MYPN: variants seen among roughly 807,000 people sequenced by gnomAD.
MYPN encodes the protein myopalladin.
Under a neutral mutation model 129.4 loss-of-function variants are expected in MYPN, and 63 were observed. That is an observed-to-expected ratio of 0.49 (90% CI 0.40 to 0.60). The LOEUF is 0.60. MYPN is among the 20% of genes least tolerant of loss of function. MYPN has a pLI of 0.00. For missense variants in MYPN, 1,596 were observed against 1,635.4 expected (o/e 0.98, Z 0.42); for synonymous variants, 629 against 600.9 (o/e 1.05, Z -0.68).
chr10:68,143,891 A>C (rs2042617771), intron 3 of MYPN, among the ~76,000 whole-genome samples: 1 of 152,078 alleles, frequency 6.6e-6, no homozygotes, highest in Non-Finnish European at 1.5e-5. Context: ...AATAGCTGGG[A>C]TTACAGGCAT....
intron 2 of MYPN, among the ~76,000 whole-genome samples, chr10:68,126,565 T>A (rs1300226755): frequency 6.6e-6 from 1 of 152,014 alleles, no homozygotes; most frequent in Non-Finnish European, 1.5e-5. Flanking sequence ...CTCGGGTAGG[T>A]GTGGTAGGAA....
chr10:68,175,923 G>A (rs187444837), intron 12 of MYPN, among the ~76,000 whole-genome samples: 1 of 151,920 alleles, frequency 6.6e-6, no homozygotes, highest in East Asian at 1.9e-4. Flanking sequence ...TTAATTTTTT[G>A]TAGAGACAGG....
Position 68,165,697 on chromosome 10 carries a change from T to C in MYPN, c.1484-5T>C. On this transcript the variant is annotated splice_region_variant and splice_polypyrimidine_tract_variant and intron_variant, in intron 8 of 19. Coordinates refer to ENST00000358913, the MANE Select transcript of MYPN (RefSeq NM_032578.4). ...CAGTAACCATTCTGTTTCACTGGCA[T>C]ATAGAGGAGATTTGCACCTTGGTCA... is the stretch of plus-strand genomic sequence containing the variant. The C allele has an allele frequency of 6.2e-7, 1 of 1,608,318 alleles. No homozygotes were observed. The highest frequency in any genetic ancestry group is 8.5e-7 in the Non-Finnish European group (1 of 1,174,662).
chr10:68,184,454 G>C (rs990474635), intron 12 of MYPN, among the ~76,000 whole-genome samples: 10 of 151,878 alleles, frequency 6.6e-5, no homozygotes, highest in African/African-American at 2.2e-4. Context: ...TTTAGACGGA[G>C]TTTCACTCTT....
chr10:68,126,639 A>C (rs2042330319), intron 2 of MYPN, among the ~76,000 whole-genome samples: 1 of 152,224 alleles, frequency 6.6e-6, no homozygotes, highest in African/African-American at 2.4e-5. Flanking sequence ...ACTTGGTGAC[A>C]CACCACAGAA....
chr10:68,124,054 G>T (rs2042290873), intron 2 of MYPN, among the ~76,000 whole-genome samples: 1 of 152,212 alleles, frequency 6.6e-6, no homozygotes, highest in Admixed American at 6.5e-5. Context: ...TGCCTACCAT[G>T]GTCAGCTTTT....
chr10:68,113,891 T>C (rs571486279), intron 1 of MYPN, among the ~76,000 whole-genome samples: 96 of 152,258 alleles, frequency 6.3e-4, no homozygotes, highest in African/African-American at 2.2e-3. Context: ...CACTTTTTTG[T>C]GTGGTGAGAA....
At chr10:68,089,392 A>T (rs973243593) in intron 1 of MYPN, among the ~76,000 whole-genome samples, 1 of 151,820 alleles carries the variant, frequency 6.6e-6, no homozygotes, top group Non-Finnish European at 1.5e-5. Flanking sequence ...CCCAGACTGG[A>T]GTGCAGTGGC....
At chr10:68,197,565 G>GTTT in intron 16 of MYPN, 87 bp downstream of exon 16, 3 of 1,313,612 alleles carry the variant, frequency 2.3e-6, no homozygotes, top group South Asian at 1.4e-5. Flanking sequence ...TGTTTTGTGG[G>GTTT]TTTTTTTTTT....
intron 2 of MYPN, among the ~76,000 whole-genome samples, chr10:68,127,790 T>G (rs575545954): frequency 9.2e-5 from 14 of 152,260 alleles, no homozygotes; most frequent in Admixed American, 7.8e-4. Flanking sequence ...GAGGATTTCC[T>G]TAAAAAATAC....
At chr10:68,189,495 C>T (rs918188862) in intron 13 of MYPN, among the ~76,000 whole-genome samples, 8 of 152,066 alleles carry the variant, frequency 5.3e-5, no homozygotes, top group Admixed American at 2.6e-4. Flanking sequence ...ACCCATTAAC[C>T]AACCTCTCTT....
rs781732815 is a variant in MYPN at position 68,121,872 on chromosome 10, A to G, written c.434A>G (p.Gln145Arg). ...AGGCCACAGTATTGTTCTGAAACCC[A>G]GTCCAAAAAAGTATTTTTAAATAAG... The part of the protein sequence containing the change: ...AKRPQYCSET[Q>R]SKKVFLNKAA... The change falls in exon 2 of 20, where the codon CAG (glutamine) becomes CGG (arginine). Residue 145 changes from glutamine to arginine, a missense_variant. Gln to Arg is a conservative substitution (Grantham distance 43). Transcript: ENST00000358913. 6.2e-7 allele frequency: 1 copy of G among 1,614,220 alleles called. No homozygotes were observed. Among genetic ancestry groups the G allele is most frequent in the East Asian group, 2.2e-5 (1 of 44,884 alleles).
chr10:68,107,507 ATTT>A (rs34774320), upstream of MYPN, among the ~76,000 whole-genome samples: 8 of 143,178 alleles, frequency 5.6e-5, no homozygotes, highest in African/African-American at 5.1e-5. Context: ...CGCCCTGCTA[ATTT>A]TTTTTTTTTT....
chr10:68,199,230 G>A (rs1228214342), intron 16 of MYPN, 138 bp from the exon 17 acceptor site: 3 of 799,546 alleles, frequency 3.8e-6, no homozygotes, highest in Non-Finnish European at 4.3e-6. Context: ...TTCTCTCGAT[G>A]CCCCTACAGA....
intron 1 of MYPN, among the ~76,000 whole-genome samples, chr10:68,116,329 T>G (rs946060338): frequency 2.0e-5 from 3 of 152,220 alleles, no homozygotes; most frequent in Non-Finnish European, 4.4e-5. Context: ...ATTTTATCAG[T>G]TTAACAATTT....
intron 17 of MYPN, among the ~76,000 whole-genome samples, chr10:68,201,589 A>G (rs2043711565): frequency 3.1e-3 from 1 of 322 alleles, no homozygotes; most frequent in African/African-American, 0.012. Flanking sequence ...CAACATGACG[A>G]AACCCCTATC....
intron 18 of MYPN, among the ~76,000 whole-genome samples, chr10:68,205,516 CAA>C (rs35907393): frequency 1.7e-3 from 235 of 134,566 alleles, no homozygotes; most frequent in Admixed American, 1.5e-3. Flanking sequence ...CTATTTCTAC[CAA>C]AAAAAAAAAA....
intron 13 of MYPN, among the ~76,000 whole-genome samples, chr10:68,191,985 G>A (rs2043521007): frequency 6.6e-6 from 1 of 152,088 alleles, no homozygotes; most frequent in African/African-American, 2.4e-5. Flanking sequence ...CAATTTGGGT[G>A]CCTTTATTTC....
Position 68,174,220 on chromosome 10 carries a change from G to C in MYPN, c.2128G>C (p.Val710Leu). Residue 710 changes from valine (V) to leucine (L), a missense_variant, in exon 11 of 20, where the codon GTG (valine) becomes CTG (leucine). Coordinates refer to ENST00000358913, the MANE Select transcript of MYPN (RefSeq NM_032578.4). ...PPAVTTSSKQ[V>L]KAPSSQTFSL... ...AGCGGTGACAACATCCAGTAAGCAGGTGAAGGCTCCTTCATCACAGACGTT... is the reference window on the plus strand; with the variant it reads ...AGCGGTGACAACATCCAGTAAGCAGCTGAAGGCTCCTTCATCACAGACGTT... The C allele has an allele frequency of 2.5e-6, 4 of 1,614,040 alleles. No individual in the cohort carries two copies. The highest frequency in any genetic ancestry group is 3.4e-6 in the Non-Finnish European group (4 of 1,179,956).
Sources: allele counts gnomAD v4.1 joint callset (sites outside exome capture counted in the v4.1 genomes callset), GRCh38; gene constraint gnomAD v4.1.1; transcripts MANE v1.5; gene names NCBI Gene and HGNC (gene_info 2026-07-23, HGNC 2026-07-21).